SLC39A11: variants seen among roughly 807,000 people sequenced by gnomAD.
The protein encoded by SLC39A11 is solute carrier family 39 member 11, also known as zinc transporter ZIP11.
A neutral mutation model predicts 36.1 loss-of-function variants in SLC39A11; 33 were observed. The ratio of observed to expected loss-of-function variants is 0.91; its 90% CI spans 0.69 to 1.22. The LOEUF (loss-of-function observed/expected upper bound fraction) is 1.22. SLC39A11 is among the 50% of genes most tolerant of loss of function. The probability of loss-of-function intolerance (pLI) is 0.00; values close to 1 mark genes in which losing one functional copy is unlikely to be tolerated. For synonymous variants in SLC39A11, 166 were observed against 170.3 expected (o/e 0.97, Z 0.20); for missense variants, 432 against 430.3 (o/e 1.00, Z -0.03).
intron 6 of SLC39A11, among the ~76,000 whole-genome samples, chr17:72,831,551 T>C (rs2078286797): frequency 6.6e-6 from 1 of 152,194 alleles, no homozygotes; most frequent in Non-Finnish European, 1.5e-5. Context: ...CTTGGTGATT[T>C]TCAAAATAAG....
chr17:72,849,901 T>A, intron 5 of SLC39A11, 97 bp from the exon 6 acceptor site: 1 of 1,248,376 alleles, frequency 8.0e-7, no homozygotes. Context: ...AGAAGCTTCT[T>A]TTTCTTTTTT....
rs571744087 is a variant in SLC39A11, at chr17:72,878,091, T to C, written c.431-28287A>G. 2.0e-5 allele frequency among the ~76,000 whole-genome samples: 3 copies of C among 151,650 alleles called. No homozygotes were observed. The South Asian group carries it at 6.3e-4, about 32-fold the overall frequency. ...GGTGTTTGGTTTTTTGTCCTTGCGATAGTTTGCTGAGAATGATGGTTTCCA... is the reference window on the plus strand; with the variant it reads ...GGTGTTTGGTTTTTTGTCCTTGCGACAGTTTGCTGAGAATGATGGTTTCCA... On this transcript the variant is annotated intron_variant, in intron 5 of 9. Transcript: ENST00000255559.
chr17:72,900,961 GAAAC>G (rs113388480), intron 5 of SLC39A11, among the ~76,000 whole-genome samples: 2,897 of 104,822 alleles, frequency 0.028, 101 homozygotes, highest in African/African-American at 0.087. Context: ...CTATTAGAGG[GAAAC>G]AAACAAACAA....
At chr17:73,021,396 G>C (rs1276785843) in intron 4 of SLC39A11, among the ~76,000 whole-genome samples, 1 of 151,862 alleles carries the variant, frequency 6.6e-6, no homozygotes, top group African/African-American at 2.4e-5. Flanking sequence ...CTGGAGTGTA[G>C]TGGTGCAATC....
chr17:73,028,074 C>A (rs1392428436), intron 4 of SLC39A11, among the ~76,000 whole-genome samples: 3 of 152,210 alleles, frequency 2.0e-5, no homozygotes, highest in Non-Finnish European at 4.4e-5. Context: ...TTTTCCTCTG[C>A]CTTCATTCTG....
At chr17:72,993,145 GAC>G (rs1178498009) in intron 4 of SLC39A11, among the ~76,000 whole-genome samples, 2 of 152,284 alleles carry the variant, frequency 1.3e-5, no homozygotes, top group South Asian at 2.1e-4. Context: ...TTGGGTGGGG[GAC>G]ACAGCCAAAC....
intron 4 of SLC39A11, among the ~76,000 whole-genome samples, chr17:72,998,789 C>G (rs775751195): frequency 2.0e-5 from 3 of 152,130 alleles, no homozygotes; most frequent in Admixed American, 2.0e-4. Context: ...CTCTGGGGGT[C>G]CCCGCTGAAA....
chr17:72,829,883 C>A (rs956689254), intron 6 of SLC39A11, among the ~76,000 whole-genome samples: 2 of 152,036 alleles, frequency 1.3e-5, no homozygotes, highest in Non-Finnish European at 2.9e-5. Context: ...GCTGAAATGC[C>A]CCCGGACTCA....
intron 5 of SLC39A11, among the ~76,000 whole-genome samples, chr17:72,931,924 G>A (rs1377454061): frequency 6.6e-6 from 1 of 152,176 alleles, no homozygotes; most frequent in Non-Finnish European, 1.5e-5. Context: ...CCTACCATAT[G>A]CTGTGATTCA....
At chr17:73,075,514 T>C (rs1478359379) in intron 3 of SLC39A11, among the ~76,000 whole-genome samples, 1 of 152,160 alleles carries the variant, frequency 6.6e-6, no homozygotes, top group African/African-American at 2.4e-5. Flanking sequence ...TCAGAGGCAT[T>C]GTGGTATAAG....
chr17:72,698,632 C>T (rs1268900208), intron 7 of SLC39A11, among the ~76,000 whole-genome samples: 1 of 152,160 alleles, frequency 6.6e-6, no homozygotes, highest in African/African-American at 2.4e-5. Flanking sequence ...ACAACAGTGA[C>T]TTAAAGCCAC....
At chr17:72,982,184 G>A (rs868487416) in intron 4 of SLC39A11, among the ~76,000 whole-genome samples, 1 of 151,972 alleles carries the variant, frequency 6.6e-6, no homozygotes, top group African/African-American at 2.4e-5. Flanking sequence ...ATAGGGATGG[G>A]GTATGGATAA....
intron 6 of SLC39A11, among the ~76,000 whole-genome samples, chr17:72,789,138 G>A (rs1398756096): frequency 1.3e-5 from 2 of 151,786 alleles, no homozygotes; most frequent in African/African-American, 4.8e-5. Context: ...GGGTCCAAGC[G>A]ATTCTCCTGC....
chr17:73,020,706 C>T (rs1309735485), intron 4 of SLC39A11, among the ~76,000 whole-genome samples: 11 of 47,118 alleles, frequency 2.3e-4, no homozygotes, highest in South Asian at 7.7e-4. Flanking sequence ...TTTTTTGAGA[C>T]GGAGTCTCAC....
At chr17:72,790,016 C>T (rs372349938) in intron 6 of SLC39A11, among the ~76,000 whole-genome samples, 1 of 152,292 alleles carries the variant, frequency 6.6e-6, no homozygotes. Flanking sequence ...AGCTCAAATC[C>T]ACTCAATCCT....
At chr17:72,932,443 A>AG (rs2084467246) in intron 5 of SLC39A11, among the ~76,000 whole-genome samples, 1 of 96,488 alleles carries the variant, frequency 1.0e-5, no homozygotes. Flanking sequence ...TCCCTCCCCT[A>AG]CCCCCCACCC....
In SLC39A11 at chr17:73,070,560, G is replaced by A. The variant is rs899204482; in HGVS notation, c.147+14248C>T. 1.1e-4 allele frequency among the ~76,000 whole-genome samples: 17 copies of A among 152,270 alleles called. No individual in the cohort carries two copies. In the Middle Eastern group the frequency reaches 0.01, roughly 91 times the overall value. On this transcript the variant is annotated intron_variant, in intron 3 of 9. Coordinates refer to ENST00000255559, the MANE Select transcript of SLC39A11 (RefSeq NM_139177.4). ...TCATCCTTCATTAAACCATGATCCC[G>A]ATTAGAACAGGGGTTCCCGGCTTTG...
chr17:72,759,957 T>C (rs964795520), intron 6 of SLC39A11, among the ~76,000 whole-genome samples: 2 of 152,348 alleles, frequency 1.3e-5, no homozygotes, highest in South Asian at 2.1e-4. Context: ...GGTATGCAGA[T>C]GTCCAAATGT....
chr17:72,653,262 A>G lies in SLC39A11; in HGVS notation c.672-3994T>C, dbSNP rs1598226145. 2.1e-5 allele frequency among the ~76,000 whole-genome samples: 3 copies of G among 142,766 alleles called. No individual in the cohort carries two copies. In the South Asian group the frequency reaches 6.7e-4, roughly 32 times the overall value. The allele number at this position is 142,766 out of a possible 152,430, so 93.7% of individuals were successfully genotyped here. A position where few individuals can be genotyped will look rare whatever the true frequency, so the allele number is the denominator to read the frequency against. ...TGGGATTACAGGCATGTGCCACCAC[A>G]CCCCCCTATTTTTTTTTTGTATTTT... On this transcript the variant is annotated intron_variant, in intron 7 of 9. Transcript: ENST00000255559.
Sources: allele counts gnomAD v4.1 joint callset (sites outside exome capture counted in the v4.1 genomes callset), GRCh38; gene constraint gnomAD v4.1.1; transcripts MANE v1.5; gene names NCBI Gene and HGNC (gene_info 2026-07-23, HGNC 2026-07-21).